Variants in PRKD3 observed in about 807,000 individuals in gnomAD.
The protein encoded by PRKD3 is serine/threonine-protein kinase D3.
PRKD3 carries 47 observed loss-of-function variants against 99.2 expected under a neutral mutation model. The observed-to-expected ratio is 0.47, with a 90% CI of 0.38 to 0.60. The LOEUF (loss-of-function observed/expected upper bound fraction) is 0.60, where lower values mean the gene tolerates loss of function less well. Among genes scored for constraint, PRKD3 ranks in the 20% least tolerant of loss-of-function variants. PRKD3 has a pLI of 0.00. For missense variants in PRKD3, 1,019 were observed against 1,088.4 expected (o/e 0.94, Z 0.90); for synonymous variants, 392 against 355.4 (o/e 1.10, Z -1.16).
chr2:37,323,206 A>G (rs2124914738), intron 1 of PRKD3, among the ~76,000 whole-genome samples: 1 of 150,256 alleles, frequency 6.7e-6, no homozygotes, highest in East Asian at 1.9e-4. Flanking sequence ...TCTCTAAAAG[A>G]CTTACCATTA....
intron 2 of PRKD3, among the ~76,000 whole-genome samples, chr2:37,294,882 C>T (rs924677317): frequency 1.3e-5 from 2 of 152,148 alleles, no homozygotes; most frequent in African/African-American, 4.8e-5. Context: ...TGAGACCAGC[C>T]TGGACAACAT....
chr2:37,264,521 A>AT, intron 14 of PRKD3, among the ~76,000 whole-genome samples: 1 of 5,310 alleles, frequency 1.9e-4, no homozygotes, highest in East Asian at 1.0e-3. Flanking sequence ...AGGGGAGTGG[A>AT]GGGGTGGGAG....
At chr2:37,288,186 G>T (rs1207627626) in intron 5 of PRKD3, among the ~76,000 whole-genome samples, 1 of 152,122 alleles carries the variant, frequency 6.6e-6, no homozygotes, top group African/African-American at 2.4e-5. Flanking sequence ...TGGGGCTCTT[G>T]ACATACCTCT....
At chr2:37,317,487 C>G (rs1018048687) in intron 1 of PRKD3, among the ~76,000 whole-genome samples, 1 of 151,102 alleles carries the variant, frequency 6.6e-6, no homozygotes, top group Non-Finnish European at 1.5e-5. Flanking sequence ...GTTACAATTA[C>G]ATGACTGAGT....
At chr2:37,255,464 A>G (rs1032605499) in intron 17 of PRKD3, among the ~76,000 whole-genome samples, 3 of 152,194 alleles carry the variant, frequency 2.0e-5, no homozygotes, top group African/African-American at 4.8e-5. Context: ...AAAGAGGGCC[A>G]GCCAACTTAT....
At chr2:37,291,451 G>C (rs1670417697) in intron 3 of PRKD3, among the ~76,000 whole-genome samples, 1 of 152,204 alleles carries the variant, frequency 6.6e-6, no homozygotes, top group African/African-American at 2.4e-5. Flanking sequence ...CACAGTCCTA[G>C]TGGATATGAG....
chr2:37,257,761 A>G (rs1439425801), intron 16 of PRKD3, among the ~76,000 whole-genome samples: 16 of 152,024 alleles, frequency 1.1e-4, no homozygotes, highest in Admixed American at 9.8e-4. Context: ...AGGATGTTAT[A>G]AACTGGCAAG....
chr2:37,292,812 A>AT (rs996078228), intron 3 of PRKD3, among the ~76,000 whole-genome samples: 33 of 145,674 alleles, frequency 2.3e-4, no homozygotes, highest in South Asian at 8.7e-4. Flanking sequence ...TGCCTGGCTA[A>AT]TTTTTTTTTT....
At chr2:37,312,280 T>C (rs1247737089) in intron 2 of PRKD3, among the ~76,000 whole-genome samples, 1 of 152,232 alleles carries the variant, frequency 6.6e-6, no homozygotes, top group African/African-American at 2.4e-5. Flanking sequence ...CATTTGATTA[T>C]AACTATTTCA....
intron 2 of PRKD3, among the ~76,000 whole-genome samples, chr2:37,297,987 G>A (rs766259301): frequency 6.6e-6 from 1 of 152,202 alleles, no homozygotes; most frequent in Non-Finnish European, 1.5e-5. Flanking sequence ...CTTGAAGGTG[G>A]AGTATCTACA....
intron 7 of PRKD3, 124 bp downstream of exon 7, chr2:37,282,418 A>T: frequency 1.5e-6 from 1 of 672,340 alleles, no homozygotes; most frequent in Non-Finnish European, 2.6e-6. Flanking sequence ...TTTGATTATT[A>T]AATCAGAAGA....
intron 2 of PRKD3, among the ~76,000 whole-genome samples, chr2:37,314,465 A>G (rs1671574672): frequency 6.6e-6 from 1 of 152,188 alleles, no homozygotes; most frequent in African/African-American, 2.4e-5. Context: ...CACTCCTCAC[A>G]TTTATATTAA....
At chr2:37,280,965 TC>T (rs1265972665) in intron 7 of PRKD3, among the ~76,000 whole-genome samples, 1 of 152,114 alleles carries the variant, frequency 6.6e-6, no homozygotes, top group Non-Finnish European at 1.5e-5. Flanking sequence ...GGTGCTTTTT[TC>T]AAACAATATA....
intron 12 of PRKD3, among the ~76,000 whole-genome samples, chr2:37,270,036 T>C (rs1387942496): frequency 1.3e-5 from 2 of 152,180 alleles, no homozygotes; most frequent in Non-Finnish European, 2.9e-5. Flanking sequence ...CAGACCAGCC[T>C]GACCAACAAG....
intron 6 of PRKD3, among the ~76,000 whole-genome samples, chr2:37,284,641 C>A (rs1277160020): frequency 6.6e-6 from 1 of 152,174 alleles, no homozygotes; most frequent in East Asian, 1.9e-4. Context: ...TGTAGTAACT[C>A]ATATTCAAAG....
At position 37,316,288 on chromosome 2, in the gene PRKD3, T is replaced by C. The variant is rs1671651965; in HGVS notation, c.237A>G (p.Glu79=). The C allele has an allele frequency of 6.2e-7, 1 of 1,614,224 alleles. No individual in the cohort carries two copies. The highest frequency in any genetic ancestry group is 8.5e-7 in the Non-Finnish European group (1 of 1,180,038). ...GATCCTTGACAGCAGATAAAGACAG[T>C]TCCTGGGCTTCAATGGTAACACTCT... ...TRESVTIEAQ[E]LSLSAVKDLV... Residue 79 remains glutamate, a synonymous_variant, in exon 2 of 19, where the codon GAA becomes GAG. Coordinates refer to ENST00000234179, the MANE Select transcript of PRKD3 (RefSeq NM_005813.6).
chr2:37,278,644 A>C (rs1191939757), intron 8 of PRKD3: 1 of 152,278 alleles, frequency 6.6e-6, no homozygotes, highest in Non-Finnish European at 1.5e-5. Context: ...ATGATTAAGA[A>C]ACTAGCTAGG....
intron 14 of PRKD3, among the ~76,000 whole-genome samples, chr2:37,261,901 G>A (rs564468771): frequency 6.6e-6 from 1 of 152,304 alleles, no homozygotes; most frequent in East Asian, 1.9e-4. Flanking sequence ...TTGAATACCT[G>A]CACAACCATT....
chr2:37,300,073 T>C lies in PRKD3; in HGVS notation c.289-6802A>G, dbSNP rs76361614. ...TATCAAAAAGATATCCGCGATCCCATGGTTACTGCAGCAAAATTCACAATA... is the reference window on the plus strand; with the variant it reads ...TATCAAAAAGATATCCGCGATCCCACGGTTACTGCAGCAAAATTCACAATA... On this transcript the variant is annotated intron_variant, in intron 2 of 18. Coordinates refer to ENST00000234179, the MANE Select transcript of PRKD3 (RefSeq NM_005813.6). Among the ~76,000 whole-genome samples, 1,131 of 152,258 alleles carry C rather than the reference T, an allele frequency of 7.4e-3. 5 individuals carry two copies. Among genetic ancestry groups the C allele is most frequent in the Non-Finnish European group, 9.9e-3 (674 of 68,014 alleles).
Sources: gnomAD v4.1 joint callset for allele counts (sites outside exome capture counted in the v4.1 genomes callset) on GRCh38, gnomAD v4.1.1 for gene constraint, MANE v1.5 for transcripts, NCBI Gene and HGNC (gene_info 2026-07-23, HGNC 2026-07-21) for gene names.